MICU1: variants seen among roughly 807,000 people sequenced by gnomAD.
MICU1 encodes calcium uptake protein 1, mitochondrial.
A neutral mutation model predicts 56.8 loss-of-function variants in MICU1; 45 were observed. The ratio of observed to expected loss-of-function variants is 0.79; its 90% CI spans 0.62 to 1.02. The LOEUF is 1.02. Among genes scored for constraint, MICU1 ranks in the 50% least tolerant of loss-of-function variants. MICU1 has a pLI of 0.00. For synonymous variants in MICU1, 186 were observed against 195.1 expected (o/e 0.95, Z 0.39); for missense variants, 504 against 587.1 (o/e 0.86, Z 1.46).
rs114674180 is a variant in MICU1 at position 72,434,023 on chromosome 10, A to G, written c.934-10652T>C. Among the ~76,000 whole-genome samples, 427 of 152,246 alleles carry G rather than the reference A, an allele frequency of 2.8e-3. 3 individuals carry two copies. The highest frequency in any genetic ancestry group is 9.7e-3 in the African/African-American group (403 of 41,552). Reference sequence around the variant, plus strand: ...AATTTAATCACATTCCCCTTGTGGAAGGAATAATCTTGAGTAAATCCAGTT... The same window carrying G: ...AATTTAATCACATTCCCCTTGTGGAGGGAATAATCTTGAGTAAATCCAGTT... On this transcript the variant is annotated intron_variant, in intron 8 of 11. Coordinates refer to ENST00000361114, the MANE Select transcript of MICU1 (RefSeq NM_001195518.2).
chr10:72,437,138 A>G (rs1864756007), intron 8 of MICU1, among the ~76,000 whole-genome samples: 1 of 152,220 alleles, frequency 6.6e-6, no homozygotes, highest in Non-Finnish European at 1.5e-5. Context: ...CGTTAAGGGC[A>G]GCCAGAGAGA....
chr10:72,484,165 T>C (rs1368069776), intron 6 of MICU1, among the ~76,000 whole-genome samples: 3 of 152,190 alleles, frequency 2.0e-5, no homozygotes, highest in Non-Finnish European at 4.4e-5. Context: ...CATTCTGCCA[T>C]TTAAAATATC....
At chr10:72,588,006 C>A (rs534844997) in intron 1 of MICU1, among the ~76,000 whole-genome samples, 2 of 152,016 alleles carry the variant, frequency 1.3e-5, no homozygotes, top group Non-Finnish European at 2.9e-5. Context: ...TATGTCCCCA[C>A]CTAAATCTCA....
At chr10:72,388,410 G>A (rs1373968848) in intron 10 of MICU1, among the ~76,000 whole-genome samples, 1 of 152,180 alleles carries the variant, frequency 6.6e-6, no homozygotes, top group Non-Finnish European at 1.5e-5. Context: ...TCAGTGAAAA[G>A]TAATATGGTT....
intron 8 of MICU1, among the ~76,000 whole-genome samples, chr10:72,466,117 T>G (rs1865788369): frequency 2.6e-5 from 4 of 152,134 alleles, no homozygotes; most frequent in Non-Finnish European, 5.9e-5. Flanking sequence ...TTTGGGGCCA[T>G]TAGTAAATAA....
At chr10:72,379,554 A>G in intron 10 of MICU1, 1 of 432,256 alleles carries the variant, frequency 2.3e-6, no homozygotes, top group Non-Finnish European at 4.7e-6. Flanking sequence ...TCAAGTACTC[A>G]TCTTCTCCCC....
intron 10 of MICU1, among the ~76,000 whole-genome samples, chr10:72,397,939 G>C (rs1349307103): frequency 6.6e-6 from 1 of 152,162 alleles, no homozygotes; most frequent in Non-Finnish European, 1.5e-5. Context: ...GGACCTAATA[G>C]ACATCTACAG....
chr10:72,604,212 C>A (rs1164679459), intron 1 of MICU1, among the ~76,000 whole-genome samples: 2 of 151,282 alleles, frequency 1.3e-5, no homozygotes, highest in African/African-American at 4.9e-5. Context: ...TCTCTAGAAA[C>A]AAACCTAGGT....
rs1862198474 is a variant in MICU1 at position 72,367,916 on chromosome 10, T to G, written c.*279A>C. ...TTCCCTGAATTCTTTATCCACAGGA[T>G]GCTTGAATGGGTGGTGCTGTTGAGG... On this transcript the variant is annotated 3_prime_UTR_variant, in exon 12 of 12. Coordinates refer to ENST00000361114, the MANE Select transcript of MICU1 (RefSeq NM_001195518.2). 2 of 350,554 alleles carry G rather than the reference T, an allele frequency of 5.7e-6. No individual in the cohort carries two copies. The highest frequency in any genetic ancestry group is 4.2e-5 in the Admixed American group (1 of 23,698). 21.7% of individuals were successfully genotyped at this position (350,554 alleles called of 1,614,324 possible). A position where few individuals can be genotyped will look rare whatever the true frequency, so the allele number is the denominator to read the frequency against.
intron 11 of MICU1, among the ~76,000 whole-genome samples, chr10:72,369,486 G>A (rs1405398900): frequency 6.6e-6 from 1 of 152,110 alleles, no homozygotes; most frequent in African/African-American, 2.4e-5. Flanking sequence ...TGTGAGGATG[G>A]ATTGGAAGGC....
intron 4 of MICU1, among the ~76,000 whole-genome samples, chr10:72,537,420 C>G (rs113520061): frequency 5.9e-5 from 9 of 152,308 alleles, no homozygotes; most frequent in African/African-American, 1.9e-4. Context: ...AAAAACAATA[C>G]TTAGGTGACT....
At position 72,465,309 on chromosome 10, in the gene MICU1, G is replaced by T. The variant is rs28379160; in HGVS notation, c.933+9791C>A. Among the ~76,000 whole-genome samples the T allele has an allele frequency of 4.9e-3, 596 of 121,718 alleles. 1 individual carries two copies. Among genetic ancestry groups the T allele is most frequent in the Middle Eastern group, 8.9e-3 (2 of 224 alleles). The allele number at this position is 121,718 out of a possible 152,430, so 79.9% of individuals were successfully genotyped here. A position where few individuals can be genotyped will look rare whatever the true frequency, so the allele number is the denominator to read the frequency against. ...CACCATGCCCAGCCCATAGTTTTTT[G>T]TTTTTTTTTTTTTTTTTGGTAAAAA... On this transcript the variant is annotated intron_variant, in intron 8 of 11. Coordinates refer to ENST00000361114, the MANE Select transcript of MICU1 (RefSeq NM_001195518.2).
intron 1 of MICU1, among the ~76,000 whole-genome samples, chr10:72,603,386 CA>C (rs59129933): frequency 0.051 from 6,626 of 129,570 alleles, 424 homozygotes; most frequent in African/African-American, 0.18. Flanking sequence ...GACTCTGTCT[CA>C]AAAAAAAAAA....
intron 10 of MICU1, among the ~76,000 whole-genome samples, chr10:72,380,523 G>C (rs1862667569): frequency 6.6e-6 from 1 of 152,204 alleles, no homozygotes; most frequent in Non-Finnish European, 1.5e-5. Context: ...CCCTGAGTTT[G>C]TGTGATATAA....
intron 1 of MICU1, among the ~76,000 whole-genome samples, chr10:72,612,248 C>T (rs967794500): frequency 2.7e-5 from 4 of 150,124 alleles, no homozygotes; most frequent in African/African-American, 7.4e-5. Flanking sequence ...AGATTTCCCA[C>T]AATAACACTA....
intron 6 of MICU1, among the ~76,000 whole-genome samples, chr10:72,504,038 T>A (rs1218523363): frequency 3.3e-5 from 5 of 152,190 alleles, no homozygotes; most frequent in African/African-American, 1.2e-4. Flanking sequence ...GAATTAATAT[T>A]GTTAAAATGA....
intron 1 of MICU1, among the ~76,000 whole-genome samples, chr10:72,605,167 CCTA>C (rs1256793811): frequency 4.6e-5 from 7 of 152,238 alleles, no homozygotes; most frequent in Admixed American, 2.6e-4. Flanking sequence ...ACGAAAACAA[CCTA>C]CTGTCATCCT....
chr10:72,404,920 T>C (rs1000492110), intron 10 of MICU1, among the ~76,000 whole-genome samples: 2 of 152,184 alleles, frequency 1.3e-5, no homozygotes, highest in Non-Finnish European at 2.9e-5. Flanking sequence ...TTAATTATTA[T>C]TTTTGAGATG....
chr10:72,475,432 C>T lies in MICU1; in HGVS notation c.736-135G>A, dbSNP rs965640183. 1.2e-5 allele frequency: 9 copies of T among 761,942 alleles called. No individual in the cohort carries two copies. In the Admixed American group the frequency reaches 2.6e-4, roughly 22 times the overall value. 47.2% of individuals were successfully genotyped at this position (761,942 alleles called of 1,614,324 possible). ...TAATTATCTCTTTTAATGCTTACAA[C>T]AATTTTTTTTTTTTGAGACAGAGTC... On this transcript the variant is annotated intron_variant, in intron 7 of 11. Transcript: ENST00000361114.
Sources: allele counts gnomAD v4.1 joint callset (sites outside exome capture counted in the v4.1 genomes callset), GRCh38; gene constraint gnomAD v4.1.1; transcripts MANE v1.5; gene names NCBI Gene and HGNC (gene_info 2026-07-23, HGNC 2026-07-21).